PHLDB2: variants seen among roughly 807,000 people sequenced by gnomAD.
PHLDB2 encodes pleckstrin homology like domain family B member 2.
In PHLDB2, 71 loss-of-function variants were observed where a neutral mutation model predicts 123.6. The ratio of observed to expected loss-of-function variants is 0.57; its 90% confidence interval spans 0.47 to 0.70. The LOEUF (loss-of-function observed/expected upper bound fraction) is 0.70. Ranked by LOEUF, PHLDB2 falls within the 30% of genes least tolerant of loss-of-function variation. The pLI, the probability that PHLDB2 is intolerant of heterozygous loss-of-function variation, is 0.00. For missense variants in PHLDB2, 1,446 were observed against 1,519.5 expected, an observed-to-expected ratio of 0.95 and a Z score of 0.80; for synonymous variants, 547 against 541.6, an observed-to-expected ratio of 1.01 and a Z score of -0.14.
At chr3:111,935,778 G>A (rs2069453480) in intron 6 of PHLDB2, among the ~76,000 whole-genome samples, 1 of 152,062 alleles carries the variant, frequency 6.6e-6, no homozygotes, top group African/African-American at 2.4e-5. Context: ...TTATATTCTA[G>A]CCACTCTGGC....
intron 1 of PHLDB2, among the ~76,000 whole-genome samples, chr3:111,783,719 C>A (rs548524548): frequency 6.6e-6 from 1 of 152,168 alleles, no homozygotes; most frequent in South Asian, 2.1e-4. Context: ...TGATCACTAG[C>A]AAAATTCTAG....
At chr3:111,927,560 C>CGT (rs1269672892) in intron 5 of PHLDB2, among the ~76,000 whole-genome samples, 1 of 152,126 alleles carries the variant, frequency 6.6e-6, no homozygotes, top group African/African-American at 2.4e-5. Context: ...CTTTATCATG[C>CGT]TAACAGGGTT....
intron 14 of PHLDB2, among the ~76,000 whole-genome samples, chr3:111,967,050 G>A (rs1295516618): frequency 1.3e-5 from 2 of 151,986 alleles, no homozygotes; most frequent in Non-Finnish European, 2.9e-5. Context: ...GGAATGTCAT[G>A]TCTTTATGCA....
At chr3:111,962,946 A>AG (rs61082921) in intron 13 of PHLDB2, among the ~76,000 whole-genome samples, 11,242 of 141,472 alleles carry the variant, frequency 0.079, 541 homozygotes, top group Non-Finnish European at 0.12. Flanking sequence ...AAAAAAAAAA[A>AG]AAAGAAAGAA....
intron 1 of PHLDB2, among the ~76,000 whole-genome samples, chr3:111,812,958 C>T (rs1033314964): frequency 2.0e-5 from 3 of 152,144 alleles, no homozygotes; most frequent in Non-Finnish European, 4.4e-5. Context: ...ATAGCATTAT[C>T]ACATTGCTTT....
At chr3:111,818,165 G>GGT (rs5851789) in intron 1 of PHLDB2, among the ~76,000 whole-genome samples, 20,959 of 147,522 alleles carry the variant, frequency 0.14, 1,601 homozygotes, top group Non-Finnish European at 0.18. Context: ...TTAAAAAACT[G>GGT]GTGTGTGTGT....
intron 1 of PHLDB2, among the ~76,000 whole-genome samples, chr3:111,831,192 T>C (rs1454758860): frequency 6.6e-6 from 1 of 152,162 alleles, no homozygotes; most frequent in Non-Finnish European, 1.5e-5. Flanking sequence ...GAATCATAAA[T>C]ATTTTAGGGA....
rs573069820 is a variant in PHLDB2 at position 111,959,222 on chromosome 3, G to C, written c.2873-2886G>C. 4.7e-4 allele frequency among the ~76,000 whole-genome samples: 72 copies of C among 152,368 alleles called. 1 individual carries two copies. The South Asian group carries it at 0.015, about 31-fold the overall frequency. ...AAATGAGCTCTTTGGAATCACACTG[G>C]TTCAATTGCAGGATCACAGGAGAGG... On this transcript the variant is annotated intron_variant, in intron 12 of 17. Transcript: ENST00000431670.
Position 111,771,327 on chromosome 3 carries a change from G to A in PHLDB2, c.-49+38624G>A, listed in dbSNP as rs142870774. On this transcript the variant is annotated intron_variant, in intron 1 of 17. Coordinates refer to the PHLDB2 transcript ENST00000393923. ...CTTTGGCTTTCCTTGTCTTGTAAAT[G>A]CATCACCCCATCACTGCCTTCATCT... 3.3e-3 allele frequency among the ~76,000 whole-genome samples: 496 copies of A among 149,398 alleles called. 5 individuals are homozygous for A. The highest frequency in any genetic ancestry group is 0.011 in the African/African-American group (460 of 40,774).
At chr3:111,957,959 G>C (rs1559922524) in intron 12 of PHLDB2, 1 of 152,100 alleles carries the variant, frequency 6.6e-6, no homozygotes, top group Non-Finnish European at 1.5e-5. Context: ...CCTATTTTCT[G>C]GTTGATGAAT....
At chr3:111,751,991 ATAG>A (rs1227139863) in intron 1 of PHLDB2, among the ~76,000 whole-genome samples, 2 of 152,224 alleles carry the variant, frequency 1.3e-5, no homozygotes, top group Non-Finnish European at 2.9e-5. Context: ...GATAGAATGA[ATAG>A]TTCACAAAAT....
At chr3:111,788,493 T>C (rs2060783912) in intron 1 of PHLDB2, among the ~76,000 whole-genome samples, 1 of 152,240 alleles carries the variant, frequency 6.6e-6, no homozygotes, top group Non-Finnish European at 1.5e-5. Context: ...ATTCCCTAAA[T>C]GAAAAGAAGA....
intron 16 of PHLDB2, among the ~76,000 whole-genome samples, chr3:111,970,660 C>A (rs936968996): frequency 6.6e-6 from 1 of 152,048 alleles, no homozygotes; most frequent in Non-Finnish European, 1.5e-5. Flanking sequence ...TTATTAAGAA[C>A]CTCTTATTTC....
At chr3:111,909,397 A>G (rs553631871) in intron 2 of PHLDB2, among the ~76,000 whole-genome samples, 1 of 152,262 alleles carries the variant, frequency 6.6e-6, no homozygotes, top group Admixed American at 6.5e-5. Context: ...GGAGCTTGAG[A>G]CCAGCCTGTG....
intron 1 of PHLDB2, among the ~76,000 whole-genome samples, chr3:111,794,323 C>A (rs1208007052): frequency 1.3e-5 from 2 of 152,148 alleles, no homozygotes; most frequent in African/African-American, 4.8e-5. Context: ...CCTCTCTCCC[C>A]CAACATGCAG....
At chr3:111,937,300 TG>T (rs1266081740) in intron 6 of PHLDB2, among the ~76,000 whole-genome samples, 1 of 152,152 alleles carries the variant, frequency 6.6e-6, no homozygotes, top group Admixed American at 6.5e-5. Flanking sequence ...AGAGTGGGGA[TG>T]GGGTTGAATA....
At position 111,974,561 on chromosome 3, in the gene PHLDB2, T is replaced by G; in HGVS notation, c.3760T>G (p.Ter1254GluextTer1). 6.2e-7 allele frequency: 1 copy of G among 1,610,922 alleles called. No individual in the cohort carries two copies. ...GAEGYTHFLL[*>E] Reference sequence around the variant, plus strand: ...AGAAGGTTACACTCACTTCTTGTTGTAGTGAACTGAGGCAACAGTCCACTT... The same window carrying G: ...AGAAGGTTACACTCACTTCTTGTTGGAGTGAACTGAGGCAACAGTCCACTT... The change falls in exon 18 of 18, where the codon TAG becomes GAG. Residue 1254 changes from the stop codon to glutamate, a stop_lost. Transcript: ENST00000431670.
intron 6 of PHLDB2, among the ~76,000 whole-genome samples, chr3:111,938,717 T>G (rs2107594849): frequency 6.6e-6 from 1 of 152,326 alleles, no homozygotes. Context: ...TGCCAACTTT[T>G]GACTCTTTAA....
chr3:111,921,827 C>T (rs1166555943), intron 5 of PHLDB2, among the ~76,000 whole-genome samples: 2 of 152,192 alleles, frequency 1.3e-5, no homozygotes, highest in Non-Finnish European at 2.9e-5. Context: ...TGGTCTCGAT[C>T]TCCTGACCTC....
Sources: gnomAD v4.1 joint callset for allele counts (sites outside exome capture counted in the v4.1 genomes callset) on GRCh38, gnomAD v4.1.1 for gene constraint, MANE v1.5 for transcripts, NCBI Gene and HGNC (gene_info 2026-07-23, HGNC 2026-07-21) for gene names.